Variants in PCSK2 observed in about 807,000 individuals in gnomAD.
PCSK2 encodes the protein proprotein convertase subtilisin/kexin type 2.
Under a neutral mutation model 69.7 loss-of-function variants are expected in PCSK2, and 14 were observed. The ratio of observed to expected loss-of-function variants is 0.20; its 90% confidence interval spans 0.13 to 0.31. PCSK2 has a LOEUF of 0.31. Among genes scored for constraint, PCSK2 ranks in the 10% least tolerant of loss-of-function variants. The pLI, the probability that PCSK2 is intolerant of heterozygous loss-of-function variation, is 1.00. For missense variants in PCSK2, 544 were observed against 842.5 expected (o/e 0.65, Z 4.39); for synonymous variants, 307 against 320.7 (o/e 0.96, Z 0.46).
At chr20:17,419,469 G>C (rs1174334408) in intron 6 of PCSK2, among the ~76,000 whole-genome samples, 1 of 152,206 alleles carries the variant, frequency 6.6e-6, no homozygotes, top group Non-Finnish European at 1.5e-5. Flanking sequence ...AACTCAAATT[G>C]TAAAAAGGTA....
intron 5 of PCSK2, among the ~76,000 whole-genome samples, chr20:17,402,913 C>T (rs567638855): frequency 3.3e-4 from 50 of 150,260 alleles, no homozygotes; most frequent in Non-Finnish European, 5.1e-4. Flanking sequence ...GCCAAGATCA[C>T]GCCACTGCAC....
At chr20:17,436,400 T>C (rs1267417341) in intron 7 of PCSK2, among the ~76,000 whole-genome samples, 1 of 152,268 alleles carries the variant, frequency 6.6e-6, no homozygotes, top group African/African-American at 2.4e-5. Flanking sequence ...AGCTTCTACT[T>C]AGAAACGAGC....
intron 2 of PCSK2, among the ~76,000 whole-genome samples, chr20:17,357,483 T>C (rs1421991472): frequency 1.3e-5 from 2 of 152,198 alleles, no homozygotes; most frequent in Non-Finnish European, 1.5e-5. Context: ...TCCAGAAAAA[T>C]TATACATGCT....
chr20:17,253,898 T>A (rs1263444326), intron 1 of PCSK2, among the ~76,000 whole-genome samples: 3 of 152,186 alleles, frequency 2.0e-5, no homozygotes, highest in African/African-American at 7.2e-5. Flanking sequence ...TGGGCAGGGG[T>A]TGATTTTACC....
intron 8 of PCSK2, among the ~76,000 whole-genome samples, chr20:17,445,751 T>C (rs539517274): frequency 1.3e-5 from 2 of 152,336 alleles, no homozygotes; most frequent in African/African-American, 4.8e-5. Flanking sequence ...ACGAATACTC[T>C]GTGAGCCCAG....
chr20:17,317,811 C>T (rs1242705970), intron 2 of PCSK2, among the ~76,000 whole-genome samples: 1 of 151,806 alleles, frequency 6.6e-6, no homozygotes, highest in African/African-American at 2.4e-5. Context: ...ATAAACAACA[C>T]ATGAAAGGTT....
chr20:17,480,130 G>A (rs1424339669), intron 11 of PCSK2, among the ~76,000 whole-genome samples: 1 of 148,928 alleles, frequency 6.7e-6, no homozygotes, highest in Non-Finnish European at 1.5e-5. Flanking sequence ...AAAGTCTCCT[G>A]ATCATTCATT....
chr20:17,413,356 A>AG (rs2031922151), intron 6 of PCSK2, among the ~76,000 whole-genome samples: 1 of 152,160 alleles, frequency 6.6e-6, no homozygotes, highest in African/African-American at 2.4e-5. Flanking sequence ...GCAAATGGAA[A>AG]ACAAAAAAAA....
At chr20:17,242,377 T>G (rs1346375861) in intron 1 of PCSK2, among the ~76,000 whole-genome samples, 1 of 152,218 alleles carries the variant, frequency 6.6e-6, no homozygotes, top group African/African-American at 2.4e-5. Context: ...TCTTATTTTA[T>G]TAACAAGTGT....
chr20:17,364,916 A>G (rs1332361988), intron 4 of PCSK2, among the ~76,000 whole-genome samples: 1 of 152,078 alleles, frequency 6.6e-6, no homozygotes, highest in African/African-American at 2.4e-5. Context: ...CTCAGCTGGG[A>G]CCGTCAAAAA....
intron 5 of PCSK2, among the ~76,000 whole-genome samples, chr20:17,386,105 C>A (rs532758731): frequency 6.6e-6 from 1 of 152,250 alleles, no homozygotes; most frequent in East Asian, 1.9e-4. Flanking sequence ...TCAGAGGTCT[C>A]CAATCACACA....
chr20:17,308,408 G>A (rs1600476033), intron 2 of PCSK2, among the ~76,000 whole-genome samples: 2 of 152,174 alleles, frequency 1.3e-5, no homozygotes, highest in Admixed American at 6.5e-5. Flanking sequence ...GCCTACATTT[G>A]GGCTAAGACT....
chr20:17,276,979 C>G (rs1247468010), intron 2 of PCSK2, among the ~76,000 whole-genome samples: 2 of 151,904 alleles, frequency 1.3e-5, no homozygotes, highest in Non-Finnish European at 2.9e-5. Flanking sequence ...TTGCTTCAAA[C>G]AGAATAAAAT....
intron 8 of PCSK2, 123 bp downstream of exon 8, chr20:17,437,006 G>C: frequency 2.5e-6 from 2 of 815,938 alleles, no homozygotes; most frequent in Non-Finnish European, 3.7e-6. Context: ...GCAGGAATCA[G>C]ACAGCACAGG....
At chr20:17,287,390 T>A (rs1052708016) in intron 2 of PCSK2, among the ~76,000 whole-genome samples, 38 of 149,610 alleles carry the variant, frequency 2.5e-4, no homozygotes, top group African/African-American at 9.3e-4. Context: ...ATTCATGAGG[T>A]CGGGAGGCAT....
At chr20:17,344,459 A>G (rs1259129041) in intron 2 of PCSK2, among the ~76,000 whole-genome samples, 1 of 152,228 alleles carries the variant, frequency 6.6e-6, no homozygotes, top group Admixed American at 6.5e-5. Flanking sequence ...CTAAGGGGCT[A>G]ACCTTTGAGG....
At chr20:17,449,829 T>C (rs1264825968) in intron 8 of PCSK2, among the ~76,000 whole-genome samples, 1 of 151,600 alleles carries the variant, frequency 6.6e-6, no homozygotes, top group Admixed American at 6.6e-5. Flanking sequence ...ACCTGGCACA[T>C]TTATATATTA....
At chr20:17,290,719 G>T (rs1988668141) in intron 2 of PCSK2, among the ~76,000 whole-genome samples, 1 of 152,108 alleles carries the variant, frequency 6.6e-6, no homozygotes, top group Non-Finnish European at 1.5e-5. Context: ...TCTATTTTCT[G>T]CTGCTGTGGC....
chr20:17,356,526 T>G (rs1335569704), intron 2 of PCSK2, among the ~76,000 whole-genome samples: 1 of 151,968 alleles, frequency 6.6e-6, no homozygotes, highest in Non-Finnish European at 1.5e-5. Context: ...AGGGGAAGGG[T>G]TTTCTGCCAC....
Sources: gnomAD v4.1 joint callset for allele counts (sites outside exome capture counted in the v4.1 genomes callset) on GRCh38, gnomAD v4.1.1 for gene constraint, MANE v1.5 for transcripts, NCBI Gene and HGNC (gene_info 2026-07-23, HGNC 2026-07-21) for gene names.